EYS: variants seen among roughly 807,000 people sequenced by gnomAD.
EYS encodes protein eyes shut homolog.
In EYS, 250 loss-of-function variants were observed where a neutral mutation model predicts 282.1. The observed-to-expected ratio is 0.89, with a 90% CI of 0.80 to 0.98. The LOEUF is 0.98. EYS is among the 50% of genes least tolerant of loss of function. EYS has a pLI of 0.00. For synonymous variants in EYS, 1,355 were observed against 1,282.9 expected (o/e 1.06, Z -1.20); for missense variants, 4,016 against 3,709.0 (o/e 1.08, Z -2.15).
At chr6:64,892,070 A>C (rs530939172) in intron 18 of EYS, among the ~76,000 whole-genome samples, 1 of 152,080 alleles carries the variant, frequency 6.6e-6, no homozygotes, top group South Asian at 2.1e-4. Context: ...TCAACATATT[A>C]AAATAGAGAT....
chr6:63,726,556 G>C lies in EYS; in HGVS notation c.8196C>G (p.Ile2732Met), dbSNP rs2149631767. The stretch of plus-strand genomic sequence containing the variant: ...TTAAGTGTTGTGCAGCATAAAATAG[G>C]ATACCATCTGCAGCGAGAGGCTGAA... ...LQFQPLAADG[I>M]LFYAAQHLKA... Residue 2732 changes from isoleucine to methionine, a missense_variant, in exon 42 of 43, where the codon ATC (isoleucine) becomes ATG (methionine). By Grantham distance (10) the Ile-to-Met change is conservative. Coordinates refer to ENST00000503581, the MANE Select transcript of EYS (RefSeq NM_001142800.2). 6.4e-7 allele frequency: 1 copy of C among 1,551,234 alleles called. No homozygotes were observed. The highest frequency in any genetic ancestry group is 8.7e-7 in the Non-Finnish European group (1 of 1,146,758).
chr6:63,763,873 TA>T lies in EYS; in HGVS notation c.7899-1241del, dbSNP rs1562015009. Among the ~76,000 whole-genome samples, 292 of 48,886 alleles carry T rather than the reference TA, an allele frequency of 6.0e-3. 1 individual carries two copies. Among genetic ancestry groups the T allele is most frequent in the African/African-American group, 9.1e-3 (53 of 5,812 alleles). The allele number at this position is 48,886 out of a possible 152,430, so 32.1% of individuals were successfully genotyped here. A position where few individuals can be genotyped will look rare whatever the true frequency, so the allele number is the denominator to read the frequency against. On this transcript the variant is annotated intron_variant, in intron 40 of 42. Coordinates refer to ENST00000503581, the MANE Select transcript of EYS (RefSeq NM_001142800.2). ...GAGATTTTATTGTTATATCTTGTTA[TA>T]TATATATATATATATATATATATAT...
intron 12 of EYS, among the ~76,000 whole-genome samples, chr6:65,141,937 G>A (rs55888148): frequency 0.26 from 39,039 of 151,668 alleles, 5,365 homozygotes; most frequent in African/African-American, 0.35. Flanking sequence ...GAGGAAGTTT[G>A]GTAAACAGAA....
intron 12 of EYS, among the ~76,000 whole-genome samples, chr6:65,202,624 T>C (rs753917407): frequency 7.9e-5 from 12 of 152,110 alleles, no homozygotes; most frequent in Admixed American, 4.6e-4. Flanking sequence ...GAGAAAGGTA[T>C]GGTGATGAGG....
chr6:65,047,358 A>T (rs1475512096), intron 13 of EYS, among the ~76,000 whole-genome samples: 1 of 151,802 alleles, frequency 6.6e-6, no homozygotes, highest in Non-Finnish European at 1.5e-5. Flanking sequence ...CAGATTCATC[A>T]CTGTTGATCT....
At chr6:64,630,220 C>T (rs1257775585) in intron 22 of EYS, among the ~76,000 whole-genome samples, 11 of 152,078 alleles carry the variant, frequency 7.2e-5, no homozygotes, top group Admixed American at 1.3e-4. Flanking sequence ...CTCAGCTTCC[C>T]GAGTAGCTGG....
chr6:64,526,373 T>C (rs574058346), intron 26 of EYS, among the ~76,000 whole-genome samples: 3 of 151,862 alleles, frequency 2.0e-5, no homozygotes, highest in Non-Finnish European at 2.9e-5. Flanking sequence ...CTGTATCATC[T>C]CTTACAATTG....
chr6:65,451,394 A>C (rs1207955915), intron 5 of EYS, among the ~76,000 whole-genome samples: 1 of 152,086 alleles, frequency 6.6e-6, no homozygotes, highest in Admixed American at 6.6e-5. Context: ...TTACTACCTC[A>C]ATCAAAATGC....
chr6:65,004,517 C>T lies in EYS; in HGVS notation c.2138-6814G>A, dbSNP rs1771576076. On this transcript the variant is annotated intron_variant, in intron 13 of 42. Transcript: ENST00000503581. ...ACTGCACTCATTGACATTGATCTCA[C>T]AGCGTGGACCTGAAAAGCTGGCACA... Among the ~76,000 whole-genome samples, 2 of 147,684 alleles carry T rather than the reference C, an allele frequency of 1.4e-5. 1 individual carries two copies. The highest frequency in any genetic ancestry group is 1.3e-4 in the Admixed American group (2 of 14,842).
At position 64,802,031 on chromosome 6, in the gene EYS, TTC is replaced by T. The variant is rs1285454497; in HGVS notation, c.3443+11345_3443+11346del. ...ATAACAAATTTCTTTTTCTTTTTTT[TTC>T]TTTTTTTTTTTTTTTTTTGAGACGG... On this transcript the variant is annotated intron_variant, in intron 22 of 42. Coordinates refer to ENST00000503581, the MANE Select transcript of EYS (RefSeq NM_001142800.2). 9.5e-4 allele frequency among the ~76,000 whole-genome samples: 104 copies of T among 109,388 alleles called. 10 individuals carry two copies. The highest frequency in any genetic ancestry group is 3.2e-3 in the African/African-American group (76 of 23,906). The allele number at this position is 109,388 out of a possible 152,430, so 71.8% of individuals were successfully genotyped here.
At chr6:64,836,058 G>A (rs532656243) in intron 19 of EYS, among the ~76,000 whole-genome samples, 38 of 151,144 alleles carry the variant, frequency 2.5e-4, no homozygotes, top group African/African-American at 8.7e-4. Flanking sequence ...GAAAATAATC[G>A]CTCAAATCTC....
chr6:64,571,598 C>T (rs1055319516), intron 26 of EYS, among the ~76,000 whole-genome samples: 3 of 152,084 alleles, frequency 2.0e-5, no homozygotes, highest in Non-Finnish European at 1.5e-5. Context: ...AAGGGGATAT[C>T]ACCACTGATC....
intron 31 of EYS, among the ~76,000 whole-genome samples, chr6:64,141,303 C>G (rs1212884690): frequency 6.6e-6 from 1 of 152,168 alleles, no homozygotes; most frequent in African/African-American, 2.4e-5. Flanking sequence ...GAATTGCTAA[C>G]AAGCCAGAAG....
intron 7 of EYS, among the ~76,000 whole-genome samples, chr6:65,392,837 A>G (rs908315983): frequency 1.4e-4 from 21 of 151,456 alleles, no homozygotes; most frequent in Non-Finnish European, 3.0e-4. Flanking sequence ...TACCCAAAGG[A>G]ATATAAATCA....
At chr6:64,882,545 A>G (rs899883582) in intron 19 of EYS, among the ~76,000 whole-genome samples, 3 of 151,744 alleles carry the variant, frequency 2.0e-5, no homozygotes, top group Non-Finnish European at 3.0e-5. Context: ...ACAAAAAAAA[A>G]TGATTACTAT....
Position 64,686,901 on chromosome 6 carries a change from GTA to G in EYS, c.3444-60658_3444-60657del, listed in dbSNP as rs1204909793. On this transcript the variant is annotated intron_variant, in intron 22 of 42. Transcript: ENST00000503581. ...TATATATACACACACATATATATGTGTATATATATACACACATATATATACGT... is the reference window on the plus strand; with the variant it reads ...TATATATACACACACATATATATGTGTATATATACACACATATATATACGT... Among the ~76,000 whole-genome samples the G allele has an allele frequency of 2.2e-4, 7 of 32,072 alleles. 1 individual carries two copies. The highest frequency in any genetic ancestry group is 5.3e-4 in the East Asian group (1 of 1,884). 21.0% of individuals were successfully genotyped at this position (32,072 alleles called of 152,430 possible). A position where few individuals can be genotyped will look rare whatever the true frequency, so the allele number is the denominator to read the frequency against.
intron 1 of EYS, among the ~76,000 whole-genome samples, chr6:65,705,778 C>T (rs1343016929): frequency 6.6e-6 from 1 of 151,882 alleles, no homozygotes; most frequent in Non-Finnish European, 1.5e-5. Context: ...TAAAATGTTG[C>T]AAACATTTTT....
At chr6:65,254,906 T>G (rs554111636) in intron 12 of EYS, among the ~76,000 whole-genome samples, 56 of 152,032 alleles carry the variant, frequency 3.7e-4, no homozygotes, top group African/African-American at 1.2e-3. Flanking sequence ...AATTTACACA[T>G]TTTTAAATAA....
At chr6:65,571,635 A>G (rs1235568581) in intron 2 of EYS, among the ~76,000 whole-genome samples, 3 of 152,074 alleles carry the variant, frequency 2.0e-5, no homozygotes, top group African/African-American at 7.2e-5. Context: ...ATTCTGATCC[A>G]CTATAATATA....
Sources: gnomAD v4.1 joint callset for allele counts (sites outside exome capture counted in the v4.1 genomes callset) on GRCh38, gnomAD v4.1.1 for gene constraint, MANE v1.5 for transcripts, NCBI Gene and HGNC (gene_info 2026-07-23, HGNC 2026-07-21) for gene names.